SLC25A23: variants seen among roughly 807,000 people sequenced by gnomAD.
The protein encoded by SLC25A23 is solute carrier family 25 member 23.
A neutral mutation model predicts 53.9 loss-of-function variants in SLC25A23; 32 were observed. The observed-to-expected ratio is 0.59, with a 90% CI of 0.45 to 0.80. SLC25A23 has a LOEUF of 0.80. SLC25A23 is among the 30% of genes least tolerant of loss of function. The pLI is 0.00. For synonymous variants in SLC25A23, 275 were observed against 264.5 expected (o/e 1.04, Z -0.38); for missense variants, 575 against 651.4 (o/e 0.88, Z 1.28).
At chr19:6,439,407 A>T (rs1448333274), downstream of SLC25A23, among the ~76,000 whole-genome samples, 19 of 141,878 alleles carry the variant, frequency 1.3e-4, no homozygotes, top group African/African-American at 5.4e-4. Flanking sequence ...TCTCACACAC[A>T]CACACACACA....
At chr19:6,456,774 G>A (rs1364755807) in intron 3 of SLC25A23, among the ~76,000 whole-genome samples, 2 of 152,042 alleles carry the variant, frequency 1.3e-5, no homozygotes, top group African/African-American at 4.8e-5. Context: ...CTGCCTCCTG[G>A]GTTCAAGAGA....
chr19:6,440,793 G>A lies in SLC25A23; in HGVS notation c.*1182C>T, dbSNP rs2092410070. ...ATGCAATTTCATGTCATGAGAAGCC[G>A]GCTCTGGGCACCAGTGTGTGTGGGA... On this transcript the variant is annotated 3_prime_UTR_variant, in exon 10 of 10. Transcript: ENST00000301454. The A allele has an allele frequency of 6.6e-6, 1 of 152,168 alleles. No individual in the cohort carries two copies. The highest frequency in any genetic ancestry group is 2.1e-4 in the South Asian group (1 of 4,830). 9.4% of individuals were successfully genotyped at this position (152,168 alleles called of 1,614,324 possible). A position where few individuals can be genotyped will look rare whatever the true frequency, so the allele number is the denominator to read the frequency against.
At chr19:6,442,629 A>C (rs1599292321) in intron 9 of SLC25A23, among the ~76,000 whole-genome samples, 1 of 151,596 alleles carries the variant, frequency 6.6e-6, no homozygotes, top group Admixed American at 6.6e-5. Flanking sequence ...GCTCACTGCA[A>C]CCTCCGCCTC....
In SLC25A23 at chr19:6,440,241, G is replaced by A. The variant is rs1017021722; in HGVS notation, c.*1734C>T. On this transcript the variant is annotated 3_prime_UTR_variant, in exon 10 of 10. Coordinates refer to ENST00000301454, the MANE Select transcript of SLC25A23 (RefSeq NM_024103.3). ...CCATGGGGTCTCCAGATGATCCTAAGCTCAGAATCCAACTATGAAGTGCAG... is the reference window on the plus strand; with the variant it reads ...CCATGGGGTCTCCAGATGATCCTAAACTCAGAATCCAACTATGAAGTGCAG... The A allele has an allele frequency of 3.3e-5, 5 of 152,546 alleles. No individual in the cohort carries two copies. Among genetic ancestry groups the A allele is most frequent in the African/African-American group, 1.2e-4 (5 of 41,424 alleles). 9.4% of individuals were successfully genotyped at this position (152,546 alleles called of 1,614,324 possible).
intron 8 of SLC25A23, among the ~76,000 whole-genome samples, chr19:6,445,485 G>A (rs2092489924): frequency 6.6e-6 from 1 of 152,172 alleles, no homozygotes; most frequent in South Asian, 2.1e-4. Context: ...AAGATGCTAT[G>A]CTACTGGCTT....
chr19:6,442,164 G>GTGGT lies in SLC25A23; in HGVS notation c.1223-6_1223-5insACCA. ...GGGGGCCACCCTCGATGGAGGCTGG[G>GTGGT]AGGGGGCGGGGGGGGCACCAGGTAA... On this transcript the variant is annotated splice_region_variant and splice_polypyrimidine_tract_variant and intron_variant, in intron 9 of 9. Transcript: ENST00000301454. 1 of 1,497,596 alleles carries GTGGT rather than the reference G, an allele frequency of 6.7e-7. No individual in the cohort carries two copies. The highest frequency in any genetic ancestry group is 9.0e-7 in the Non-Finnish European group (1 of 1,111,220). 92.8% of individuals were successfully genotyped at this position (1,497,596 alleles called of 1,614,324 possible). A position where few individuals can be genotyped will look rare whatever the true frequency, so the allele number is the denominator to read the frequency against.
chr19:6,455,753 T>C (rs2092672374), intron 4 of SLC25A23, among the ~76,000 whole-genome samples: 1 of 143,938 alleles, frequency 6.9e-6, no homozygotes, highest in South Asian at 2.3e-4. Flanking sequence ...AGTGTGGCTC[T>C]GTCACCCAGG....
chr19:6,454,724 A>T lies in SLC25A23; in HGVS notation c.484-7T>A. The T allele has an allele frequency of 6.2e-7, 1 of 1,613,530 alleles. No individual in the cohort carries two copies. Among genetic ancestry groups the T allele is most frequent in the South Asian group, 1.1e-5 (1 of 91,044 alleles). Reference sequence around the variant, plus strand: ...ACTCGCCAATGTCCAGGACCTAAAGATACAGGTGTTGGGGGTGTCATGCCA... The same window carrying T: ...ACTCGCCAATGTCCAGGACCTAAAGTTACAGGTGTTGGGGGTGTCATGCCA... On this transcript the variant is annotated splice_region_variant and splice_polypyrimidine_tract_variant and intron_variant, in intron 4 of 9. Transcript: ENST00000301454. The surrounding 1 kb of genome is among the most constrained non-coding windows in gnomAD (Gnocchi z 4.3).
Position 6,442,097 on chromosome 19 carries a change from C to T in SLC25A23, c.1285G>A (p.Glu429Lys). The T allele has an allele frequency of 6.2e-7, 1 of 1,611,322 alleles. No homozygotes were observed. Among genetic ancestry groups the T allele is most frequent in the Non-Finnish European group, 8.5e-7 (1 of 1,179,086 alleles). The change falls in exon 10 of 10, where the codon GAG (glutamate) becomes AAG (lysine). Residue 429 changes from glutamate (E) to lysine (K), a missense_variant. Coordinates refer to ENST00000301454, the MANE Select transcript of SLC25A23 (RefSeq NM_024103.3). ...CCCCGGTAGAGGCCCCGCATGCCCTCCTGGGACAGGATGTGACGTAGCAGA... is the reference window on the plus strand; with the variant it reads ...CCCCGGTAGAGGCCCCGCATGCCCTTCTGGGACAGGATGTGACGTAGCAGA... Reference protein sequence around the residue: ...LGLLRHILSQEGMRGLYRGIA... With the variant: ...LGLLRHILSQKGMRGLYRGIA...
At chr19:6,455,530 G>A (rs972307740) in intron 4 of SLC25A23, among the ~76,000 whole-genome samples, 2 of 152,000 alleles carry the variant, frequency 1.3e-5, no homozygotes, top group East Asian at 3.9e-4. Context: ...CGTCTGGGGT[G>A]GGAGTCTCTG....
chr19:6,454,221 G>T lies in SLC25A23; in HGVS notation c.795+102C>A. 1 of 1,522,314 alleles carries T rather than the reference G, an allele frequency of 6.6e-7. No individual in the cohort carries two copies. The allele number at this position is 1,522,314 out of a possible 1,614,324, so 94.3% of individuals were successfully genotyped here. ...CAGAGGAGCAGATGCCTGATCCTGG[G>T]GACCTGTGTTCACCACCCACCCCCA... On this transcript the variant is annotated intron_variant, in intron 6 of 9. Coordinates refer to ENST00000301454, the MANE Select transcript of SLC25A23 (RefSeq NM_024103.3). The surrounding 1 kb of genome is among the most constrained non-coding windows in gnomAD (Gnocchi z 4.3).
At chr19:6,445,776 G>T (rs1386551132) in intron 8 of SLC25A23, among the ~76,000 whole-genome samples, 2 of 152,242 alleles carry the variant, frequency 1.3e-5, no homozygotes, top group East Asian at 3.9e-4. Context: ...AAAAGGCCAG[G>T]CATGGTGACT....
In SLC25A23 at chr19:6,459,549, CCAT is replaced by C; in HGVS notation, c.77_79del (p.Asp26del). ...GCGCAACTCGTGCACGTCCACGCGG[CCAT>C]CCTTGTTACTGTCCAGCTCCTCGAA... is the stretch of plus-strand genomic sequence containing the variant. On this transcript the variant is annotated inframe_deletion, in exon 1 of 10. Transcript: ENST00000301454. This position sits in a 1 kb window ranked among gnomAD's most constrained non-coding sequence, Gnocchi z 4.6. 1 of 1,599,102 alleles carries C rather than the reference CCAT, an allele frequency of 6.3e-7. No individual in the cohort carries two copies. Among genetic ancestry groups the C allele is most frequent in the Admixed American group, 1.7e-5 (1 of 59,386 alleles).
rs1479337772 is a variant in SLC25A23 at position 6,457,485 on chromosome 19, AGACCC to A, written c.371+13_371+17del. ...TGTGTCCTGAGTTACTTTGGATTCC[AGACCC>A]CCAGCGACTCACCTGTGCAAAATTT... On this transcript the variant is annotated intron_variant, in intron 3 of 9. Transcript: ENST00000301454. 5.0e-6 allele frequency: 8 copies of A among 1,611,620 alleles called. No homozygotes were observed. Among genetic ancestry groups the A allele is most frequent in the Non-Finnish European group, 6.8e-6 (8 of 1,177,940 alleles).
At chr19:6,450,971 G>A (rs150415523) in intron 8 of SLC25A23, among the ~76,000 whole-genome samples, 3,362 of 151,876 alleles carry the variant, frequency 0.022, 46 homozygotes, top group East Asian at 0.062. Context: ...TCAGCTACTC[G>A]GGAGGCTGAG....
rs901763525 is a variant in SLC25A23, at chr19:6,454,254, C to T, written c.795+69G>A. On this transcript the variant is annotated intron_variant, in intron 6 of 9. Coordinates refer to ENST00000301454, the MANE Select transcript of SLC25A23 (RefSeq NM_024103.3). The surrounding 1 kb of genome is among the most constrained non-coding windows in gnomAD (Gnocchi z 4.3). ...GTTCACCACCCACCCCCAAGCCAAT[C>T]CCGTAAATCTTTATGTACAGCCCAG... The T allele has an allele frequency of 2.6e-6, 4 of 1,558,754 alleles. No individual in the cohort carries two copies. The highest frequency in any genetic ancestry group is 1.7e-4 in the Middle Eastern group (1 of 5,804).
At chr19:6,436,527 A>T, downstream of SLC25A23, 1 of 438,896 alleles carries the variant, frequency 2.3e-6, no homozygotes, top group African/African-American at 2.1e-5. Context: ...GTAACCAATA[A>T]CCAGGATGGC....
chr19:6,458,419 C>T, intron 1 of SLC25A23, 95 bp from the exon 2 acceptor site: 1 of 1,409,914 alleles, frequency 7.1e-7, no homozygotes, highest in Non-Finnish European at 9.5e-7. Flanking sequence ...CCCAGAGCCC[C>T]CAGCGCCTTG....
intron 9 of SLC25A23, chr19:6,443,561 C>A (rs1456059979): frequency 2.8e-6 from 2 of 702,372 alleles, no homozygotes; most frequent in African/African-American, 3.5e-5. Flanking sequence ...TAAATCAATA[C>A]TTAATTCCAG....
Sources: allele counts gnomAD v4.1 joint callset (sites outside exome capture counted in the v4.1 genomes callset), GRCh38; gene constraint gnomAD v4.1.1; non-coding constraint Gnocchi (gnomAD v3.1); transcripts MANE v1.5; gene names NCBI Gene and HGNC (gene_info 2026-07-23, HGNC 2026-07-21).